BUD23: variants seen among roughly 807,000 people sequenced by gnomAD.
BUD23 encodes the protein 18S rRNA (guanine-N(7))-methyltransferase.
In BUD23, 34 loss-of-function variants were observed where a neutral mutation model predicts 47.0. The ratio of observed to expected loss-of-function variants is 0.72; its 90% CI spans 0.55 to 0.96. The LOEUF is 0.96. Among genes scored for constraint, BUD23 ranks in the 40% least tolerant of loss-of-function variants. The pLI is 0.00. For synonymous variants in BUD23, 124 were observed against 132.0 expected, an observed-to-expected ratio of 0.94 and a Z score of 0.41; for missense variants, 343 against 361.2, an observed-to-expected ratio of 0.95 and a Z score of 0.41.
chr7:73,684,020 CT>C lies in BUD23; in HGVS notation c.86+219del, dbSNP rs149142405. 365 of 1,430,768 alleles carry C rather than the reference CT, an allele frequency of 2.6e-4. 1 individual carries two copies. The African/African-American group carries it at 4.8e-3, about 19-fold the overall frequency. The allele number at this position is 1,430,768 out of a possible 1,614,324, so 88.6% of individuals were successfully genotyped here. A position where few individuals can be genotyped will look rare whatever the true frequency, so the allele number is the denominator to read the frequency against. On this transcript the variant is annotated intron_variant, in intron 2 of 11. Transcript: ENST00000265758. ...GTTGAGGTAGGGGTGATCGCGCTTG[CT>C]TTCCGTGGGTGGTTTTCAAAGTCGA...
intron 7 of BUD23, 152 bp downstream of exon 7, chr7:73,692,798 G>C (rs1380494137): frequency 1.4e-6 from 1 of 691,616 alleles, no homozygotes; most frequent in African/African-American, 1.8e-5. Flanking sequence ...TTGATGACCT[G>C]ATATCCTAAG....
At position 73,693,370 on chromosome 7, in the gene BUD23, C is replaced by T. The variant is rs372655014; in HGVS notation, c.552C>T (p.Ser184=). The T allele has an allele frequency of 1.1e-4, 171 of 1,614,054 alleles. No individual in the cohort carries two copies. Among genetic ancestry groups the T allele is most frequent in the Admixed American group, 2.0e-4 (12 of 59,986 alleles). Residue 184 remains serine, a synonymous_variant, in exon 8 of 12, where the codon TCC becomes TCT. Coordinates refer to ENST00000265758, the MANE Select transcript of BUD23 (RefSeq NM_017528.5). Reference sequence around the variant, plus strand: ...CCCAGGCCACAAAGGCAGGCTTCTCCGGTGGCATGGTGGTAGACTACCCTA... The same window carrying T: ...CCCAGGCCACAAAGGCAGGCTTCTCTGGTGGCATGGTGGTAGACTACCCTA... ...ITTQATKAGF[S]GGMVVDYPNS...
In BUD23 at chr7:73,692,663, C is replaced by T. The variant is rs782184763; in HGVS notation, c.510+17C>T. 6.2e-7 allele frequency: 1 copy of T among 1,611,340 alleles called. No homozygotes were observed. Among genetic ancestry groups the T allele is most frequent in the Non-Finnish European group, 8.5e-7 (1 of 1,177,768 alleles). On this transcript the variant is annotated intron_variant, in intron 7 of 11. Transcript: ENST00000265758. Reference sequence around the variant, plus strand: ...TCAGAGCAGGTGAGTCCCTCGGCTACTGGGTGTGCCGGGGAGTTGGGGGAC... The same window carrying T: ...TCAGAGCAGGTGAGTCCCTCGGCTATTGGGTGTGCCGGGGAGTTGGGGGAC...
At chr7:73,692,740 C>T (rs987570176) in intron 7 of BUD23, 94 bp downstream of exon 7, 22 of 1,308,458 alleles carry the variant, frequency 1.7e-5, no homozygotes, top group African/African-American at 1.3e-4. Flanking sequence ...TGCAGATTGG[C>T]GGGAAAAGGA....
intron 6 of BUD23, among the ~76,000 whole-genome samples, chr7:73,692,297 A>T (rs1440862008): frequency 6.6e-6 from 1 of 152,240 alleles, no homozygotes; most frequent in Non-Finnish European, 1.5e-5. Context: ...TATCCATTTG[A>T]AACAGGCCTT....
At chr7:73,687,936 C>T (rs187086874) in intron 5 of BUD23, among the ~76,000 whole-genome samples, 1 of 150,400 alleles carries the variant, frequency 6.6e-6, no homozygotes, top group East Asian at 2.0e-4. Flanking sequence ...CTCTCTGTTG[C>T]CCAGGCTGGA....
At chr7:73,688,098 A>G (rs1228232883) in intron 5 of BUD23, among the ~76,000 whole-genome samples, 1 of 151,892 alleles carries the variant, frequency 6.6e-6, no homozygotes, top group East Asian at 1.9e-4. Context: ...GGGTTTCACC[A>G]TGTTAGCCAG....
intron 5 of BUD23, among the ~76,000 whole-genome samples, chr7:73,689,014 A>G (rs1554613597): frequency 6.6e-6 from 1 of 152,190 alleles, no homozygotes; most frequent in East Asian, 1.9e-4. Context: ...GGGGATGGTC[A>G]GTTTTTGTTT....
Position 73,697,612 on chromosome 7 carries a change from T to C in BUD23, c.709T>C (p.Leu237=). ...GCTGTGTCTCCGCCACAGGTTCCCA[T>C]TAAGGATGTCGAGGCGGGGAATGGT... ...ESVFTNERFP[L]RMSRRGMVRK... The change falls in exon 11 of 12, where the codon TTA becomes CTA. Residue 237 remains leucine, a synonymous_variant. Coordinates refer to ENST00000265758, the MANE Select transcript of BUD23 (RefSeq NM_017528.5). The C allele has an allele frequency of 6.2e-7, 1 of 1,613,534 alleles. No individual in the cohort carries two copies. The highest frequency in any genetic ancestry group is 8.5e-7 in the Non-Finnish European group (1 of 1,179,910).
intron 5 of BUD23, among the ~76,000 whole-genome samples, chr7:73,688,206 G>A (rs1320203311): frequency 1.3e-5 from 2 of 152,054 alleles, no homozygotes; most frequent in Non-Finnish European, 2.9e-5. Flanking sequence ...TAAAAAGCTA[G>A]ACATGGTGGT....
At chr7:73,693,886 C>T (rs1466013408) in intron 9 of BUD23, 106 bp from the exon 10 acceptor site, 48 of 1,452,168 alleles carry the variant, frequency 3.3e-5, no homozygotes, top group Admixed American at 1.3e-4. Flanking sequence ...TGGGACTGGA[C>T]CTCGTCCCTG....
intron 11 of BUD23, 52 bp downstream of exon 11, chr7:73,697,746 G>A: frequency 6.2e-7 from 1 of 1,610,344 alleles, no homozygotes. Context: ...GATGACTATT[G>A]CCATGAAGAG....
chr7:73,692,784 A>T lies in BUD23; in HGVS notation c.510+138A>T. The T allele has an allele frequency of 3.9e-6, 3 of 763,604 alleles. 1 individual carries two copies. Among genetic ancestry groups the T allele is most frequent in the Non-Finnish European group, 6.3e-6 (3 of 476,800 alleles). 47.3% of individuals were successfully genotyped at this position (763,604 alleles called of 1,614,324 possible). A position where few individuals can be genotyped will look rare whatever the true frequency, so the allele number is the denominator to read the frequency against. Reference sequence around the variant, plus strand: ...GCACCCTAGTGTGGCCCCTGATGGCACATTTGATGACCTGATATCCTAAGG... The same window carrying T: ...GCACCCTAGTGTGGCCCCTGATGGCTCATTTGATGACCTGATATCCTAAGG... On this transcript the variant is annotated intron_variant, in intron 7 of 11. Transcript: ENST00000265758.
At chr7:73,696,212 A>G (rs1798396118) in intron 10 of BUD23, 1 of 152,092 alleles carries the variant, frequency 6.6e-6, no homozygotes, top group Non-Finnish European at 1.5e-5. Context: ...CCTCACGTCC[A>G]CCATAGGTTT....
At position 73,689,278 on chromosome 7, in the gene BUD23, A is replaced by T. The variant is rs562859775; in HGVS notation, c.363-1638A>T. Among the ~76,000 whole-genome samples the T allele has an allele frequency of 4.6e-5, 7 of 151,348 alleles. No homozygotes were observed. The South Asian group carries it at 1.5e-3, about 32-fold the overall frequency. ...TGGCCAGGCTGGTCTTGAACTCCTG[A>T]CTTCATGAACTGCCCGCCTCAACCT... is the stretch of plus-strand genomic sequence containing the variant. On this transcript the variant is annotated intron_variant, in intron 5 of 11. Coordinates refer to ENST00000265758, the MANE Select transcript of BUD23 (RefSeq NM_017528.5).
intron 2 of BUD23, chr7:73,684,071 T>C: frequency 8.0e-7 from 1 of 1,254,262 alleles, no homozygotes; most frequent in African/African-American, 1.5e-5. Flanking sequence ...CCTAAACATG[T>C]GGTAAAAGAG....
chr7:73,697,130 C>T (rs1798437086), intron 10 of BUD23: 3 of 360,960 alleles, frequency 8.3e-6, no homozygotes, highest in South Asian at 5.7e-5. Context: ...GTTACCCCGC[C>T]CTCTTTCCTT....
At chr7:73,693,458 G>A (rs376792289) in intron 8 of BUD23, 44 bp downstream of exon 8, 2 of 1,611,256 alleles carry the variant, frequency 1.2e-6, no homozygotes, top group African/African-American at 2.7e-5. Flanking sequence ...GCAGGAGGGA[G>A]GGTAGTGGCA....
Position 73,693,362 on chromosome 7 carries a change from G to T in BUD23, c.544G>T (p.Gly182Cys), listed in dbSNP as rs782145796. Residue 182 changes from glycine to cysteine, a missense_variant, in exon 8 of 12, where the codon GGC (glycine) becomes TGC (cysteine). Gly to Cys is a radical substitution (Grantham distance 159). Coordinates refer to ENST00000265758, the MANE Select transcript of BUD23 (RefSeq NM_017528.5). Reference protein sequence around the residue: ...ELITTQATKAGFSGGMVVDYP... With the variant: ...ELITTQATKACFSGGMVVDYP... ...GATCACAACCCAGGCCACAAAGGCA[G>T]GCTTCTCCGGTGGCATGGTGGTAGA... is the stretch of plus-strand genomic sequence containing the variant. The T allele has an allele frequency of 1.2e-6, 2 of 1,614,082 alleles. No homozygotes were observed. The highest frequency in any genetic ancestry group is 1.7e-6 in the Non-Finnish European group (2 of 1,180,042).
Sources: allele counts gnomAD v4.1 joint callset (sites outside exome capture counted in the v4.1 genomes callset), GRCh38; gene constraint gnomAD v4.1.1; transcripts MANE v1.5; gene names NCBI Gene and HGNC (gene_info 2026-07-23, HGNC 2026-07-21).